GEMIN8: variants seen among roughly 807,000 people sequenced by gnomAD.
GEMIN8 encodes the protein gem nuclear organelle associated protein 8, also known as gem-associated protein 8.
For missense variants in GEMIN8, 185 were observed against 205.9 expected, an observed-to-expected ratio of 0.90 and a Z score of 0.62; for synonymous variants, 80 against 78.5, an observed-to-expected ratio of 1.02 and a Z score of -0.10.
rs1184330799 is a variant in GEMIN8, at chrX:14,018,728, CTTTCTTTCTTTTCTTTTTCT to C, written c.472+1330_472+1349del. Among the ~76,000 whole-genome samples the C allele has an allele frequency of 2.1e-4, 22 of 106,705 alleles. No individual in the cohort carries two copies. The South Asian group carries it at 3.7e-3, about 18-fold the overall frequency. The allele number at this position is 106,705 out of a possible 115,157, so 92.7% of individuals were successfully genotyped here. ...TAAAAGTATTTGTTTGGATATACTT[CTTTCTTTCTTTTCTTTTTCT>C]TTTCTTTCTTTTCTTTTCTTTTTTT... On this transcript the variant is annotated intron_variant, in intron 4 of 4. Transcript: ENST00000680255.
downstream of GEMIN8, among the ~76,000 whole-genome samples, chrX:14,005,137 A>G (rs1923100405): frequency 9.0e-6 from 1 of 111,299 alleles, no homozygotes; most frequent in Middle Eastern, 4.2e-3. Context: ...TTCCTGACAC[A>G]GAGCTCCTAA....
At chrX:14,021,391 A>T (rs915261997) in intron 3 of GEMIN8, 73 bp downstream of exon 3, 1 of 612,590 alleles carries the variant, frequency 1.6e-6, no homozygotes, top group Admixed American at 2.9e-5. Context: ...AACTTAAAGT[A>T]TAAAAAAAAA....
At chrX:13,987,800 T>G in the GEMIN8 span, among the ~76,000 whole-genome samples, 59 of 111,822 alleles carry the variant, frequency 5.3e-4, no homozygotes, top group African/African-American at 1.4e-3. Flanking sequence ...GATTGAATCA[T>G]TTTATATAGC....
chrX:14,006,476 A>G (rs1023364605), downstream of GEMIN8, among the ~76,000 whole-genome samples: 7 of 111,611 alleles, frequency 6.3e-5, no homozygotes, highest in South Asian at 3.7e-4. Flanking sequence ...ATCCTGAGGG[A>G]AGAGACTATG....
At chrX:14,002,997 C>G (rs1215548106), downstream of GEMIN8, among the ~76,000 whole-genome samples, 1 of 111,969 alleles carries the variant, frequency 8.9e-6, no homozygotes, top group Non-Finnish European at 1.9e-5. Flanking sequence ...AAGACACACA[C>G]CTGAGCCATC....
chrX:13,985,426 C>T, the GEMIN8 span, among the ~76,000 whole-genome samples: 1 of 111,799 alleles, frequency 8.9e-6, no homozygotes, highest in Admixed American at 9.5e-5. Context: ...TCAATTGGTC[C>T]TGAACTTGGG....
chrX:14,008,668 G>A lies in GEMIN8; in HGVS notation c.*245C>T. On this transcript the variant is annotated 3_prime_UTR_variant, in exon 5 of 5. Coordinates refer to ENST00000680255, the MANE Select transcript of GEMIN8 (RefSeq NM_001042479.2). ...CTGTTACCAACAACATAAAAAACCA[G>A]TATAGTATATGCAAAATTATTTTAT... 2.4e-6 allele frequency: 1 copy of A among 409,419 alleles called. No homozygotes were observed. 33.7% of individuals were successfully genotyped at this position (409,419 alleles called of 1,213,427 possible).
At chrX:14,021,935 C>A (rs978099954) in intron 2 of GEMIN8, among the ~76,000 whole-genome samples, 1 of 95,022 alleles carries the variant, frequency 1.1e-5, no homozygotes, top group Admixed American at 1.2e-4. Context: ...ATAATGTATA[C>A]ACACATATAT....
intron 1 of GEMIN8, among the ~76,000 whole-genome samples, chrX:14,028,428 CT>C (rs766675584): frequency 8.9e-6 from 1 of 112,016 alleles, no homozygotes; most frequent in East Asian, 2.8e-4. Context: ...TTTCAAAGAT[CT>C]TTTCAATTCA....
At chrX:13,993,307 A>G in the GEMIN8 span, among the ~76,000 whole-genome samples, 1 of 110,857 alleles carries the variant, frequency 9.0e-6, no homozygotes, top group Admixed American at 9.7e-5. Context: ...GGGCTTCATG[A>G]CTGTCTCCCC....
At chrX:14,017,581 G>A (rs972701647) in intron 4 of GEMIN8, among the ~76,000 whole-genome samples, 4 of 112,161 alleles carry the variant, frequency 3.6e-5, no homozygotes, top group Non-Finnish European at 7.5e-5. Flanking sequence ...CTGGAGGTCA[G>A]AAGTCTGCAA....
the GEMIN8 span, among the ~76,000 whole-genome samples, chrX:13,989,999 G>A: frequency 1.8e-5 from 2 of 112,683 alleles, no homozygotes; most frequent in Non-Finnish European, 3.7e-5. Context: ...AGCCATGTGC[G>A]ATCATGAAAA....
At chrX:14,014,602 C>T in intron 4 of GEMIN8, 6 of 613,830 alleles carry the variant, frequency 9.8e-6, no homozygotes, top group Non-Finnish European at 1.2e-5. Context: ...CATCCTTCAA[C>T]CTCATTGACT....
rs1402963769 is a variant in GEMIN8 at position 14,007,809 on chromosome X, G to A, written c.*1104C>T. ...CCCAAAGTGCTGGGATTACAGGCAT[G>A]AGCCACCGCGCCGGGCCGGAATTAT... On this transcript the variant is annotated 3_prime_UTR_variant, in exon 5 of 5. Coordinates refer to ENST00000680255, the MANE Select transcript of GEMIN8 (RefSeq NM_001042479.2). 9.0e-6 allele frequency among the ~76,000 whole-genome samples: 1 copy of A among 110,624 alleles called. No homozygotes were observed. The highest frequency in any genetic ancestry group is 3.3e-5 in the African/African-American group (1 of 30,308).
intron 4 of GEMIN8, chrX:14,013,788 G>GT (rs58567489): frequency 0.011 from 1,271 of 110,781 alleles, 2 homozygotes; most frequent in Non-Finnish European, 0.013. Context: ...GAATAAATCT[G>GT]TTTTTTTTTT....
At chrX:14,021,442 A>G (rs755207676) in intron 3 of GEMIN8, 22 bp downstream of exon 3, 3 of 981,575 alleles carry the variant, frequency 3.1e-6, no homozygotes, top group Non-Finnish European at 4.3e-6. Context: ...TCAAAAAAAA[A>G]ATAAAAAAAT....
rs995663860 is a variant in GEMIN8, at chrX:14,009,618, A to G, written c.473-449T>C. Among the ~76,000 whole-genome samples, 3 of 111,789 alleles carry G rather than the reference A, an allele frequency of 2.7e-5. No homozygotes were observed. The East Asian group carries it at 8.4e-4, about 31-fold the overall frequency. Reference sequence around the variant, plus strand: ...CACTCCAAACTACCAAACCTCTGCAACAAGCCCTGAAAACACAGGAAAGAA... The same window carrying G: ...CACTCCAAACTACCAAACCTCTGCAGCAAGCCCTGAAAACACAGGAAAGAA... On this transcript the variant is annotated intron_variant, in intron 4 of 4. Coordinates refer to ENST00000680255, the MANE Select transcript of GEMIN8 (RefSeq NM_001042479.2).
At chrX:14,003,775 CATAG>C (rs1232257525), downstream of GEMIN8, among the ~76,000 whole-genome samples, 3 of 111,916 alleles carry the variant, frequency 2.7e-5, no homozygotes, top group African/African-American at 9.7e-5. Flanking sequence ...ATAGGTTTGT[CATAG>C]ATAGATTGCT....
At chrX:14,011,950 C>A (rs1357475900) in intron 4 of GEMIN8, among the ~76,000 whole-genome samples, 2 of 110,978 alleles carry the variant, frequency 1.8e-5, no homozygotes, top group African/African-American at 6.6e-5. Context: ...CACAAAGCAA[C>A]CCCAGTTAAT....
Sources: gnomAD v4.1 joint callset for allele counts (sites outside exome capture counted in the v4.1 genomes callset) on GRCh38, gnomAD v4.1.1 for gene constraint, MANE v1.5 for transcripts, NCBI Gene and HGNC (gene_info 2026-07-23, HGNC 2026-07-21) for gene names.